ATXN7: variants seen among roughly 807,000 people sequenced by gnomAD.
The protein encoded by ATXN7 is ataxin-7.
A neutral mutation model predicts 70.5 loss-of-function variants in ATXN7; 12 were observed. The observed-to-expected ratio is 0.17, with a 90% CI of 0.11 to 0.28. ATXN7 has a LOEUF of 0.28. Ranked by LOEUF, ATXN7 falls within the 10% of genes least tolerant of loss-of-function variation. ATXN7 has a pLI of 1.00. For missense variants in ATXN7, 1,256 were observed against 1,131.7 expected (o/e 1.11, Z -1.58); for synonymous variants, 498 against 448.7 (o/e 1.11, Z -1.39).
chr3:63,910,452 A>G (rs1206555633), intron 2 of ATXN7, among the ~76,000 whole-genome samples: 4 of 152,194 alleles, frequency 2.6e-5, no homozygotes, highest in Non-Finnish European at 5.9e-5. Context: ...TCCAAGTAAT[A>G]AATTGTGTAC....
intron 1 of ATXN7, among the ~76,000 whole-genome samples, chr3:63,872,986 C>G (rs955875716): frequency 6.6e-6 from 1 of 151,790 alleles, no homozygotes; most frequent in Non-Finnish European, 1.5e-5. Context: ...AATCCCATCA[C>G]TAAAGAACTT....
At position 64,000,497 on chromosome 3, in the gene ATXN7, T is replaced by C. The variant is rs2075822535; in HGVS notation, c.*1030T>C. 1 of 152,636 alleles carries C rather than the reference T, an allele frequency of 6.6e-6. No individual in the cohort carries two copies. Among genetic ancestry groups the C allele is most frequent in the Admixed American group, 6.5e-5 (1 of 15,284 alleles). The allele number at this position is 152,636 out of a possible 1,614,324, so 9.5% of individuals were successfully genotyped here. A position where few individuals can be genotyped will look rare whatever the true frequency, so the allele number is the denominator to read the frequency against. On this transcript the variant is annotated 3_prime_UTR_variant, in exon 13 of 13. Transcript: ENST00000674280. ...AAATGTTTCCAAGGCACTCTCTACA[T>C]TACCCTTGTTTTTCTCTTTGGATAC...
intron 2 of ATXN7, among the ~76,000 whole-genome samples, chr3:63,909,973 T>C (rs766932998): frequency 6.6e-6 from 1 of 152,234 alleles, no homozygotes; most frequent in Non-Finnish European, 1.5e-5. Context: ...AGGTACTCAA[T>C]AATTGGTAAC....
At chr3:63,916,924 T>C (rs970620196) in intron 4 of ATXN7, among the ~76,000 whole-genome samples, 3 of 152,196 alleles carry the variant, frequency 2.0e-5, no homozygotes, top group East Asian at 1.9e-4. Context: ...GTTGTTGTTA[T>C]TGTTGTTGAG....
intron 5 of ATXN7, among the ~76,000 whole-genome samples, chr3:63,961,297 G>A (rs2075126710): frequency 6.6e-6 from 1 of 151,906 alleles, no homozygotes; most frequent in African/African-American, 2.4e-5. Context: ...TCTTTTTAAG[G>A]ACTGCCTGTT....
rs868295627 is a variant in ATXN7, at chr3:63,982,269, C to T, written c.836C>T (p.Pro279Leu). ...AAATCTGCGGTGGGGCCAACCTGTC[C>T]TGCTACTGTGAGTTCCTTAGTCAAG... ...LLKSAVGPTC[P>L]ATVSSLVKPG... The change falls in exon 7 of 13, where the codon CCT (proline) becomes CTT (leucine). Residue 279 changes from proline (P) to leucine (L), a missense_variant. Physicochemically the swap from Pro to Leu is moderately conservative, Grantham distance 98. Coordinates refer to ENST00000674280, the MANE Select transcript of ATXN7 (RefSeq NM_001377405.1). 6.2e-7 allele frequency: 1 copy of T among 1,614,132 alleles called. No homozygotes were observed. The highest frequency in any genetic ancestry group is 8.5e-7 in the Non-Finnish European group (1 of 1,180,014).
Sources: allele counts gnomAD v4.1 joint callset (sites outside exome capture counted in the v4.1 genomes callset), GRCh38; gene constraint gnomAD v4.1.1; transcripts MANE v1.5; gene names NCBI Gene and HGNC (gene_info 2026-07-23, HGNC 2026-07-21).